Variants in SEL1L2 observed in about 807,000 individuals in gnomAD.
SEL1L2 encodes the protein protein sel-1 homolog 2.
SEL1L2 carries 89 observed loss-of-function variants against 98.8 expected under a neutral mutation model. That is an observed-to-expected ratio of 0.90 (90% CI 0.76 to 1.07). The LOEUF (loss-of-function observed/expected upper bound fraction) is 1.07. SEL1L2 is among the 50% of genes least tolerant of loss of function. The pLI, the probability that SEL1L2 is intolerant of heterozygous loss-of-function variation, is 0.00. For synonymous variants in SEL1L2, 262 were observed against 278.5 expected (o/e 0.94, Z 0.59); for missense variants, 788 against 812.0 (o/e 0.97, Z 0.36).
intron 1 of SEL1L2, among the ~76,000 whole-genome samples, chr20:13,979,291 A>G (rs1470935454): frequency 2.0e-5 from 3 of 152,212 alleles, no homozygotes; most frequent in Non-Finnish European, 4.4e-5. Context: ...AAGTTGGTTA[A>G]TTGATACAAA....
chr20:13,946,350 G>A (rs536984795), intron 2 of SEL1L2, among the ~76,000 whole-genome samples: 1 of 152,038 alleles, frequency 6.6e-6, no homozygotes, highest in East Asian at 1.9e-4. Context: ...TACAAATGAA[G>A]AAGCCAATAA....
chr20:13,862,576 T>G (rs980287537), intron 17 of SEL1L2, among the ~76,000 whole-genome samples: 8 of 152,234 alleles, frequency 5.3e-5, no homozygotes, highest in African/African-American at 1.4e-4. Context: ...AGTTCTAATC[T>G]TCTAGAATCT....
intron 17 of SEL1L2, 47 bp downstream of exon 17, chr20:13,865,120 A>G (rs1187677206): frequency 1.4e-6 from 2 of 1,458,122 alleles, no homozygotes; most frequent in East Asian, 2.3e-5. Context: ...GATGAATAAC[A>G]GAGGACAGGG....
At chr20:13,955,982 G>A (rs2050517600) in intron 2 of SEL1L2, 94 bp downstream of exon 2, 16 of 697,702 alleles carry the variant, frequency 2.3e-5, no homozygotes, top group South Asian at 1.9e-4. Flanking sequence ...AAAAAAAAGA[G>A]ACAATAGTTA....
At chr20:13,894,676 G>A (rs2047346143) in intron 5 of SEL1L2, among the ~76,000 whole-genome samples, 1 of 152,188 alleles carries the variant, frequency 6.6e-6, no homozygotes, top group East Asian at 1.9e-4. Flanking sequence ...CATTACAAAT[G>A]ATGCCACAGT....
At chr20:13,943,808 A>T (rs2049889337) in intron 2 of SEL1L2, among the ~76,000 whole-genome samples, 1 of 152,154 alleles carries the variant, frequency 6.6e-6, no homozygotes, top group Non-Finnish European at 1.5e-5. Context: ...AAAATGAGGG[A>T]TGTGCTATTT....
At chr20:13,907,175 C>T (rs1378351168) in intron 5 of SEL1L2, among the ~76,000 whole-genome samples, 2 of 151,770 alleles carry the variant, frequency 1.3e-5, no homozygotes, top group East Asian at 3.9e-4. Context: ...ACTATGTAAC[C>T]AAGGAAGTGT....
Position 13,885,413 on chromosome 20 carries a change from A to G in SEL1L2, c.901-10T>C, listed in dbSNP as rs770835708. ...ATTGTCCAAGAGAGACCTAGGAATGATGAGTTTGGAAATGATTTTAGCAGC... is the reference window on the plus strand; with the variant it reads ...ATTGTCCAAGAGAGACCTAGGAATGGTGAGTTTGGAAATGATTTTAGCAGC... On this transcript the variant is annotated splice_polypyrimidine_tract_variant and intron_variant, in intron 9 of 19. Coordinates refer to ENST00000284951, the MANE Select transcript of SEL1L2 (RefSeq NM_025229.2). 8.2e-6 allele frequency: 13 copies of G among 1,577,892 alleles called. No individual in the cohort carries two copies. The highest frequency in any genetic ancestry group is 1.1e-5 in the Non-Finnish European group (13 of 1,147,092).
chr20:13,958,971 G>A (rs983433663), intron 1 of SEL1L2, among the ~76,000 whole-genome samples: 2 of 151,186 alleles, frequency 1.3e-5, no homozygotes, highest in African/African-American at 4.9e-5. Flanking sequence ...CCTTGAAGAT[G>A]AGGAGCATAG....
chr20:13,943,759 A>C (rs946315241), intron 2 of SEL1L2, among the ~76,000 whole-genome samples: 3 of 152,204 alleles, frequency 2.0e-5, no homozygotes, highest in African/African-American at 7.2e-5. Context: ...ATGCAACAAG[A>C]AAGCAGATGA....
chr20:13,938,376 G>A (rs1337580508), intron 2 of SEL1L2, among the ~76,000 whole-genome samples: 1 of 152,112 alleles, frequency 6.6e-6, no homozygotes, highest in Admixed American at 6.5e-5. Flanking sequence ...ACTGCGCCTG[G>A]TCCAGAAAAC....
chr20:13,866,551 C>T, intron 15 of SEL1L2, 151 bp downstream of exon 15: 1 of 624,016 alleles, frequency 1.6e-6, no homozygotes, highest in Non-Finnish European at 2.5e-6. Context: ...CACTGCTTTT[C>T]CCCTCTGACA....
intron 17 of SEL1L2, among the ~76,000 whole-genome samples, chr20:13,860,754 C>T (rs1476817080): frequency 1.3e-5 from 2 of 152,160 alleles, no homozygotes; most frequent in East Asian, 1.9e-4. Flanking sequence ...GTTCCATTGC[C>T]TGTCTTTATT....
intron 2 of SEL1L2, among the ~76,000 whole-genome samples, chr20:13,954,234 A>G (rs1374027618): frequency 6.6e-6 from 1 of 152,194 alleles, no homozygotes; most frequent in Non-Finnish European, 1.5e-5. Context: ...GAAGATAACC[A>G]GAATTTGCCA....
At chr20:13,982,280 G>A (rs1038869003) in intron 1 of SEL1L2, among the ~76,000 whole-genome samples, 2 of 152,078 alleles carry the variant, frequency 1.3e-5, no homozygotes, top group Non-Finnish European at 2.9e-5. Context: ...GGAGGCTGAC[G>A]CAGGAGGATC....
intron 1 of SEL1L2, among the ~76,000 whole-genome samples, chr20:13,977,292 G>A (rs1331841002): frequency 6.6e-6 from 1 of 152,170 alleles, no homozygotes; most frequent in Non-Finnish European, 1.5e-5. Flanking sequence ...CTTGGGCACA[G>A]CATTTAAAAG....
At chr20:13,891,612 A>C (rs2047206065) in intron 5 of SEL1L2, among the ~76,000 whole-genome samples, 1 of 145,834 alleles carries the variant, frequency 6.9e-6, no homozygotes, top group Non-Finnish European at 1.5e-5. Flanking sequence ...GGTTGCAGTG[A>C]GCCAAGATCA....
intron 1 of SEL1L2, among the ~76,000 whole-genome samples, chr20:13,965,862 A>G (rs2051016090): frequency 6.6e-6 from 1 of 151,704 alleles, no homozygotes; most frequent in Non-Finnish European, 1.5e-5. Context: ...CTGAGGCAGG[A>G]GAATCGCTTG....
chr20:13,856,022 A>T (rs1023082433), intron 18 of SEL1L2, among the ~76,000 whole-genome samples: 5 of 152,232 alleles, frequency 3.3e-5, no homozygotes, highest in African/African-American at 1.2e-4. Context: ...AGAAAGTCAG[A>T]CCTGAGCCAA....
Sources: gnomAD v4.1 joint callset for allele counts (sites outside exome capture counted in the v4.1 genomes callset) on GRCh38, gnomAD v4.1.1 for gene constraint, MANE v1.5 for transcripts, NCBI Gene and HGNC (gene_info 2026-07-23, HGNC 2026-07-21) for gene names.